The following XYLT1 variants were observed in gnomAD, a reference collection of about 807,000 sequenced individuals.
XYLT1 encodes xylosyltransferase 1.
A neutral mutation model predicts 91.3 loss-of-function variants in XYLT1; 36 were observed. The observed-to-expected ratio is 0.39, with a 90% CI of 0.30 to 0.52. The LOEUF (loss-of-function observed/expected upper bound fraction) is 0.52, where lower values mean the gene tolerates loss of function less well. Ranked by LOEUF, XYLT1 falls within the 20% of genes least tolerant of loss-of-function variation. The probability of loss-of-function intolerance (pLI) is 0.68; values close to 1 mark genes in which losing one functional copy is unlikely to be tolerated. For synonymous variants in XYLT1, 588 were observed against 532.0 expected (o/e 1.11, Z -1.45); for missense variants, 1,242 against 1,284.5 (o/e 0.97, Z 0.51).
chr16:17,166,846 T>C (rs999600628), intron 5 of XYLT1, among the ~76,000 whole-genome samples: 1 of 152,088 alleles, frequency 6.6e-6, no homozygotes, highest in Admixed American at 6.5e-5. Flanking sequence ...TCTCTGCCCA[T>C]TCCATACCCT....
intron 2 of XYLT1, among the ~76,000 whole-genome samples, chr16:17,301,615 G>A (rs1292529458): frequency 1.3e-5 from 2 of 152,166 alleles, no homozygotes; most frequent in African/African-American, 4.8e-5. Context: ...ACAGCGTGAA[G>A]CAGATGGGGT....
intron 1 of XYLT1, among the ~76,000 whole-genome samples, chr16:17,438,382 G>T (rs1229856408): frequency 6.6e-6 from 1 of 152,140 alleles, no homozygotes. Context: ...CACCAAAAAA[G>T]CCTATTGTAT....
At chr16:17,240,893 A>C (rs113545085) in intron 3 of XYLT1, among the ~76,000 whole-genome samples, 3,395 of 152,296 alleles carry the variant, frequency 0.022, 52 homozygotes, top group Non-Finnish European at 0.033. Context: ...TCAATGTTCC[A>C]TAGCTGTTGG....
chr16:17,254,151 T>C (rs1284884141), intron 3 of XYLT1, among the ~76,000 whole-genome samples: 1 of 152,180 alleles, frequency 6.6e-6, no homozygotes. Flanking sequence ...CAGGTGACCC[T>C]TGAACAGCAC....
At chr16:17,176,163 C>G (rs755005286) in intron 5 of XYLT1, among the ~76,000 whole-genome samples, 2 of 152,196 alleles carry the variant, frequency 1.3e-5, no homozygotes, top group Non-Finnish European at 2.9e-5. Flanking sequence ...CTCCTTCATG[C>G]CTTACTTCAG....
chr16:17,172,466 CTTTTTTT>C (rs1157952692), intron 5 of XYLT1, among the ~76,000 whole-genome samples: 1 of 102,636 alleles, frequency 9.7e-6, no homozygotes, highest in Non-Finnish European at 1.8e-5. Flanking sequence ...GCGTTCATTT[CTTTTTTT>C]TTTTTTTTTT....
At position 17,469,640 on chromosome 16, in the gene XYLT1, C is replaced by G. The variant is rs570651115; in HGVS notation, c.363+794G>C. 1.8e-4 allele frequency among the ~76,000 whole-genome samples: 28 copies of G among 152,332 alleles called. No individual in the cohort carries two copies. In the South Asian group the frequency reaches 5.8e-3, roughly 32 times the overall value. ...CCTGACTGTTCACACCCACGAAGGG[C>G]AAAGTAATCCCATAGGAGTGGAAGC... On this transcript the variant is annotated intron_variant, in intron 1 of 11. Transcript: ENST00000261381.
intron 5 of XYLT1, among the ~76,000 whole-genome samples, chr16:17,178,802 G>C (rs568437589): frequency 6.6e-6 from 1 of 152,168 alleles, no homozygotes; most frequent in Non-Finnish European, 1.5e-5. Context: ...GGGCGTGGTG[G>C]CTCATGCCTG....
At chr16:17,412,896 T>C (rs1475200887) in intron 1 of XYLT1, among the ~76,000 whole-genome samples, 1 of 152,250 alleles carries the variant, frequency 6.6e-6, no homozygotes, top group East Asian at 1.9e-4. Flanking sequence ...GGTCAAATCC[T>C]GAACCTGATT....
chr16:17,444,869 G>C (rs956482758), intron 1 of XYLT1, among the ~76,000 whole-genome samples: 13 of 152,080 alleles, frequency 8.5e-5, no homozygotes, highest in Non-Finnish European at 1.2e-4. Flanking sequence ...AATGGATAAA[G>C]GGCAGACATG....
At chr16:17,110,480 CCA>C (rs1190135789) in intron 11 of XYLT1, among the ~76,000 whole-genome samples, 2 of 152,156 alleles carry the variant, frequency 1.3e-5, no homozygotes, top group Non-Finnish European at 2.9e-5. Context: ...CTCTGGCCTG[CCA>C]CCGTGTAAGA....
At chr16:17,158,516 A>G (rs2031469811) in intron 6 of XYLT1, among the ~76,000 whole-genome samples, 1 of 152,222 alleles carries the variant, frequency 6.6e-6, no homozygotes, top group African/African-American at 2.4e-5. Context: ...CTTCCCATCA[A>G]TAAAATGAGA....
At chr16:17,138,676 C>T in intron 7 of XYLT1, 145 bp from the exon 8 acceptor site, 1 of 877,514 alleles carries the variant, frequency 1.1e-6, no homozygotes, top group South Asian at 1.9e-5. Flanking sequence ...AGCTGGGCGG[C>T]TTCCTGTACA....
intron 1 of XYLT1, among the ~76,000 whole-genome samples, chr16:17,414,875 C>G (rs2036160351): frequency 6.6e-6 from 1 of 152,092 alleles, no homozygotes; most frequent in Non-Finnish European, 1.5e-5. Context: ...CGCATGAATA[C>G]CCAACGGGGC....
chr16:17,208,660 C>G (rs574800260), intron 3 of XYLT1, among the ~76,000 whole-genome samples: 1 of 152,244 alleles, frequency 6.6e-6, no homozygotes, highest in South Asian at 2.1e-4. Context: ...TTCTGGATTT[C>G]GGAGTACTTC....
In XYLT1 at chr16:17,117,655, T is replaced by C. The variant is rs770461879; in HGVS notation, c.2548A>G (p.Ile850Val). Reference protein sequence around the residue: ...APLTFSNRQPIKPEEALKLHN... With the variant: ...APLTFSNRQPVKPEEALKLHN... ...CACTGGGAGTACTTACCAGGTTTGA[T>C]GGGCTGCCTGTTCGAGAAGGTCAGA... The change falls in exon 11 of 12, where the codon ATC becomes GTC. Residue 850 changes from isoleucine (I) to valine (V), a missense_variant. Transcript: ENST00000261381. 1 of 1,611,668 alleles carries C rather than the reference T, an allele frequency of 6.2e-7. No homozygotes were observed. The highest frequency in any genetic ancestry group is 1.1e-5 in the South Asian group (1 of 91,000).
chr16:17,418,427 T>C (rs2036207244), intron 1 of XYLT1, among the ~76,000 whole-genome samples: 1 of 152,202 alleles, frequency 6.6e-6, no homozygotes, highest in Admixed American at 6.5e-5. Flanking sequence ...AACCATTTTA[T>C]TTCCAGCCTA....
At chr16:17,405,422 C>T (rs557531738) in intron 1 of XYLT1, among the ~76,000 whole-genome samples, 1 of 152,320 alleles carries the variant, frequency 6.6e-6, no homozygotes, top group South Asian at 2.1e-4. Context: ...GAGCGGCTGA[C>T]TTTCCATTCG....
At chr16:17,289,576 T>C (rs2034192281) in intron 2 of XYLT1, among the ~76,000 whole-genome samples, 3 of 152,208 alleles carry the variant, frequency 2.0e-5, no homozygotes, top group Admixed American at 2.0e-4. Flanking sequence ...GGATGATATC[T>C]TTCTGGATTC....
Sources: gnomAD v4.1 joint callset for allele counts (sites outside exome capture counted in the v4.1 genomes callset) on GRCh38, gnomAD v4.1.1 for gene constraint, MANE v1.5 for transcripts, NCBI Gene and HGNC (gene_info 2026-07-23, HGNC 2026-07-21) for gene names.